Variants in SKI observed in about 807,000 individuals in gnomAD.
SKI encodes the protein SKI proto-oncogene, also known as ski oncogene.
Under a neutral mutation model 59.3 loss-of-function variants are expected in SKI, and 23 were observed. The ratio of observed to expected loss-of-function variants is 0.39; its 90% CI spans 0.28 to 0.55. The LOEUF is 0.55. Among genes scored for constraint, SKI ranks in the 20% least tolerant of loss-of-function variants. The pLI is 0.67. For synonymous variants in SKI, 673 were observed against 488.6 expected, an observed-to-expected ratio of 1.38 and a Z score of -4.98; for missense variants, 1,017 against 1,038.9, an observed-to-expected ratio of 0.98 and a Z score of 0.29.
rs202214883 is a variant in SKI at position 2,303,975 on chromosome 1, C to T, written c.1347C>T (p.Cys449=). The T allele has an allele frequency of 1.2e-6, 2 of 1,612,468 alleles. No homozygotes were observed. Among genetic ancestry groups the T allele is most frequent in the South Asian group, 2.2e-5 (2 of 91,062 alleles). ...VSRAPEPLAT[C]TQPRKRKLTV... is the part of the protein sequence containing the mutation. ...GGGCCCCCGAGCCTCTCGCCACTTG[C>T]ACCCAGCCTCGGAAGCGGAAGCTGA... Residue 449 remains cysteine (C), a synonymous_variant, in exon 4 of 7, where the codon TGC becomes TGT. Coordinates refer to ENST00000378536, the MANE Select transcript of SKI (RefSeq NM_003036.4). The surrounding 1 kb of genome is among the most constrained non-coding windows in gnomAD (Gnocchi z 5.6).
chr1:2,298,182 G>A (rs896803499), intron 1 of SKI, among the ~76,000 whole-genome samples: 1 of 152,216 alleles, frequency 6.6e-6, no homozygotes, highest in Non-Finnish European at 1.5e-5. Flanking sequence ...CTCAATGTCT[G>A]TTTCAGCTGG....
intron 1 of SKI, among the ~76,000 whole-genome samples, chr1:2,266,100 G>A (rs374281934): frequency 6.6e-6 from 1 of 152,104 alleles, no homozygotes; most frequent in East Asian, 1.9e-4. Context: ...TGGGCTCAGG[G>A]CTCATTCTAG....
intron 1 of SKI, among the ~76,000 whole-genome samples, chr1:2,284,225 G>A (rs1639982324): frequency 6.6e-6 from 1 of 152,078 alleles, no homozygotes; most frequent in African/African-American, 2.4e-5. Context: ...TCCACTGGCC[G>A]GGGCTCCCTC....
chr1:2,274,937 T>C (rs990121688), intron 1 of SKI, among the ~76,000 whole-genome samples: 1 of 152,178 alleles, frequency 6.6e-6, no homozygotes, highest in Non-Finnish European at 1.5e-5. Flanking sequence ...TCCAATTGTT[T>C]GGGGCCTTCG....
At chr1:2,284,850 G>A (rs1432131945) in intron 1 of SKI, among the ~76,000 whole-genome samples, 1 of 152,198 alleles carries the variant, frequency 6.6e-6, no homozygotes, top group African/African-American at 2.4e-5. Context: ...GAGAGTGGGT[G>A]CTCTCACTGA....
chr1:2,277,628 G>T (rs1386875663), intron 1 of SKI, among the ~76,000 whole-genome samples: 3 of 152,028 alleles, frequency 2.0e-5, no homozygotes, highest in Non-Finnish European at 2.9e-5. Flanking sequence ...GCGTGAAAAT[G>T]GAGTGCACAC....
chr1:2,287,911 G>A (rs1640078397), intron 1 of SKI, among the ~76,000 whole-genome samples: 1 of 152,202 alleles, frequency 6.6e-6, no homozygotes, highest in Non-Finnish European at 1.5e-5. Context: ...TTGAGCCCTG[G>A]GCGCTCCTGG....
chr1:2,229,016 C>T lies in SKI; in HGVS notation c.250C>T (p.Pro84Ser). 1.9e-6 allele frequency: 3 copies of T among 1,590,224 alleles called. No homozygotes were observed. Among genetic ancestry groups the T allele is most frequent in the Middle Eastern group, 1.7e-4 (1 of 5,728 alleles). ...LHLPAIQPPP[P>S]VLPGPFFMPS... ...CCTGCCCGCCATCCAGCCGCCGCCG[C>T]CCGTGCTGCCCGGGCCCTTCTTCAT... The change falls in exon 1 of 7, where the codon CCC becomes TCC. Residue 84 changes from proline (P) to serine (S), a missense_variant. Physicochemically the swap from Pro to Ser is moderately conservative, Grantham distance 74. Coordinates refer to ENST00000378536, the MANE Select transcript of SKI (RefSeq NM_003036.4). This position sits in a 1 kb window ranked among gnomAD's most constrained non-coding sequence, Gnocchi z 6.3.
chr1:2,290,134 T>C (rs1160086488), intron 1 of SKI, among the ~76,000 whole-genome samples: 1 of 151,666 alleles, frequency 6.6e-6, no homozygotes, highest in Non-Finnish European at 1.5e-5. Flanking sequence ...GTGATGTTGG[T>C]TGTAAGGGGT....
chr1:2,285,870 G>GTTTTTTTTTTT (rs77227502), intron 1 of SKI, among the ~76,000 whole-genome samples: 1 of 102,702 alleles, frequency 9.7e-6, no homozygotes, highest in African/African-American at 4.2e-5. Context: ...CAGCCAGAAG[G>GTTTTTTTTTTT]TTTTTTTTTT....
intron 1 of SKI, among the ~76,000 whole-genome samples, chr1:2,257,588 C>T (rs752887449): frequency 1.4e-4 from 22 of 152,318 alleles, no homozygotes; most frequent in Non-Finnish European, 2.4e-4. Flanking sequence ...GGGCTCTCGG[C>T]GATTTTTGAG....
In SKI at chr1:2,269,261, G is replaced by A. The variant is rs538146415; in HGVS notation, c.970-33717G>A. Among the ~76,000 whole-genome samples, 171 of 152,288 alleles carry A rather than the reference G, an allele frequency of 1.1e-3. 1 individual carries two copies. The highest frequency in any genetic ancestry group is 2.1e-3 in the Non-Finnish European group (146 of 68,030). On this transcript the variant is annotated intron_variant, in intron 1 of 6. Transcript: ENST00000378536. The surrounding 1 kb of genome is among the most constrained non-coding windows in gnomAD (Gnocchi z 4.7). ...CGTGCCTGGCCCATGTTTGATTCTCGATGCAGATCCAGCCCTGGGAAGAAA... is the reference window on the plus strand; with the variant it reads ...CGTGCCTGGCCCATGTTTGATTCTCAATGCAGATCCAGCCCTGGGAAGAAA...
chr1:2,231,446 T>C (rs150249221), intron 1 of SKI, among the ~76,000 whole-genome samples: 138 of 152,238 alleles, frequency 9.1e-4, no homozygotes, highest in African/African-American at 3.3e-3. Context: ...GAGTGGCCAG[T>C]GGGGCCTCGT....
rs775685078 is a variant in SKI at position 2,303,096 on chromosome 1, C to T, written c.1088C>T (p.Ser363Phe). The change falls in exon 2 of 7, where the codon TCC (serine) becomes TTC (phenylalanine). Residue 363 changes from serine to phenylalanine, a missense_variant. By Grantham distance (155) the Ser-to-Phe change is radical. Transcript: ENST00000378536. The surrounding 1 kb of genome is among the most constrained non-coding windows in gnomAD (Gnocchi z 5.6). ...TGGCTGCGGACCTTGGCCGGCTCTT[C>T]CAATAAGGTGCTGTGGGGCCTGTCG... ...SSWLRTLAGS[S>F]NKSLGCVHPR... 4 of 1,613,356 alleles carry T rather than the reference C, an allele frequency of 2.5e-6. No homozygotes were observed. The highest frequency in any genetic ancestry group is 1.1e-5 in the South Asian group (1 of 91,088).
chr1:2,240,408 G>T, intron 1 of SKI: 2 of 862,056 alleles, frequency 2.3e-6, no homozygotes, highest in Non-Finnish European at 2.8e-6. Flanking sequence ...GCAGGAGTGT[G>T]TCTGGGACTC....
At chr1:2,274,821 C>T (rs1417603490) in intron 1 of SKI, among the ~76,000 whole-genome samples, 1 of 152,180 alleles carries the variant, frequency 6.6e-6, no homozygotes, top group African/African-American at 2.4e-5. Flanking sequence ...GGCTGCTGCC[C>T]CTTGCTGCAG....
At chr1:2,240,496 T>C (rs1471431396) in intron 1 of SKI, 2 of 984,974 alleles carry the variant, frequency 2.0e-6, no homozygotes, top group Non-Finnish European at 2.4e-6. Context: ...GTCCCGTGGG[T>C]GGTGGCGGGT....
At position 2,229,302 on chromosome 1, in the gene SKI, A is replaced by T. The variant is rs1335301577; in HGVS notation, c.536A>T (p.Lys179Met). ...FSAPSCGLIT[K>M]TDAERLCNAL... is the part of the protein sequence containing the mutation. ...GCGCCCTCGTGCGGGCTCATCACCA[A>T]GACGGACGCCGAGCGCCTGTGCAAC... Residue 179 changes from lysine to methionine, a missense_variant, in exon 1 of 7, where the codon AAG becomes ATG. Transcript: ENST00000378536. This position sits in a 1 kb window ranked among gnomAD's most constrained non-coding sequence, Gnocchi z 6.3. 1 of 1,596,370 alleles carries T rather than the reference A, an allele frequency of 6.3e-7. No individual in the cohort carries two copies. Among genetic ancestry groups the T allele is most frequent in the Non-Finnish European group, 8.5e-7 (1 of 1,172,412 alleles).
chr1:2,292,923 C>T lies in SKI; in HGVS notation c.970-10055C>T, dbSNP rs143581955. ...GCCGTGTCTCAGTGGCACCCTCTCCCAGCCGAGGATGTCGGCACCATTTGG... is the reference window on the plus strand; with the variant it reads ...GCCGTGTCTCAGTGGCACCCTCTCCTAGCCGAGGATGTCGGCACCATTTGG... On this transcript the variant is annotated intron_variant, in intron 1 of 6. Coordinates refer to ENST00000378536, the MANE Select transcript of SKI (RefSeq NM_003036.4). 3.3e-3 allele frequency among the ~76,000 whole-genome samples: 504 copies of T among 152,344 alleles called. 3 individuals carry two copies. The highest frequency in any genetic ancestry group is 3.8e-3 in the Non-Finnish European group (259 of 68,036).
Sources: gnomAD v4.1 joint callset for allele counts (sites outside exome capture counted in the v4.1 genomes callset) on GRCh38, gnomAD v4.1.1 for gene constraint, Gnocchi (gnomAD v3.1) non-coding constraint, MANE v1.5 for transcripts, NCBI Gene and HGNC (gene_info 2026-07-23, HGNC 2026-07-21) for gene names.